IKZF2: variants seen among roughly 807,000 people sequenced by gnomAD.
IKZF2 encodes zinc finger protein Helios.
Under a neutral mutation model 49.2 loss-of-function variants are expected in IKZF2, and 15 were observed. That is an observed-to-expected ratio of 0.30 (90% CI 0.20 to 0.47). The LOEUF (loss-of-function observed/expected upper bound fraction) is 0.47, where lower values mean the gene tolerates loss of function less well. Among genes scored for constraint, IKZF2 ranks in the 20% least tolerant of loss-of-function variants. The pLI, the probability that IKZF2 is intolerant of heterozygous loss-of-function variation, is 1.00. For synonymous variants in IKZF2, 227 were observed against 221.4 expected (o/e 1.03, Z -0.23); for missense variants, 567 against 664.6 (o/e 0.85, Z 1.61).
At chr2:213,101,746 C>T (rs1424847084) in intron 4 of IKZF2, among the ~76,000 whole-genome samples, 1 of 152,142 alleles carries the variant, frequency 6.6e-6, no homozygotes, top group African/African-American at 2.4e-5. Flanking sequence ...TTCCATCATA[C>T]ATGAAATATA....
At chr2:213,029,575 T>C (rs1225924307) in intron 6 of IKZF2, among the ~76,000 whole-genome samples, 1 of 152,042 alleles carries the variant, frequency 6.6e-6, no homozygotes, top group East Asian at 1.9e-4. Context: ...ATTTTATTGA[T>C]CTTCTCATAT....
intron 4 of IKZF2, among the ~76,000 whole-genome samples, chr2:213,089,195 T>C (rs997421380): frequency 1.3e-5 from 2 of 152,186 alleles, no homozygotes; most frequent in South Asian, 2.1e-4. Context: ...AGTCACTCCT[T>C]AGACCTCTTT....
chr2:213,099,779 C>A (rs745536917), intron 4 of IKZF2, among the ~76,000 whole-genome samples: 57 of 152,202 alleles, frequency 3.7e-4, no homozygotes, highest in South Asian at 6.2e-4. Flanking sequence ...CTCTCTGACC[C>A]TTAGCTCGGC....
chr2:213,077,997 G>A (rs1373711695), intron 4 of IKZF2, among the ~76,000 whole-genome samples: 1 of 152,000 alleles, frequency 6.6e-6, no homozygotes, highest in African/African-American at 2.4e-5. Context: ...ACACAAGTGG[G>A]TTAGAGTAGA....
At chr2:213,039,798 T>C (rs1487725316) in intron 6 of IKZF2, among the ~76,000 whole-genome samples, 1 of 152,158 alleles carries the variant, frequency 6.6e-6, no homozygotes, top group African/African-American at 2.4e-5. Context: ...TAGAATTTAA[T>C]AGCATTATTG....
rs754943780 is a variant in IKZF2 at position 213,013,774 on chromosome 2, G to T, written c.856+17C>A. The stretch of plus-strand genomic sequence containing the variant: ...AACATCACCTTGCAAAGAAACAAAA[G>T]CATTTGTAATGCTTACCCACAAACT... On this transcript the variant is annotated intron_variant, in intron 8 of 8. Coordinates refer to ENST00000434687, the MANE Select transcript of IKZF2 (RefSeq NM_001387220.1). 5 of 1,595,930 alleles carry T rather than the reference G, an allele frequency of 3.1e-6. No individual in the cohort carries two copies. In the African/African-American group the frequency reaches 4.1e-5, roughly 13 times the overall value.
chr2:213,124,601 A>T (rs188402228), intron 4 of IKZF2, among the ~76,000 whole-genome samples: 1 of 152,372 alleles, frequency 6.6e-6, no homozygotes, highest in Admixed American at 6.5e-5. Flanking sequence ...TATGTCATGC[A>T]ATGAACTTTC....
intron 7 of IKZF2, among the ~76,000 whole-genome samples, chr2:213,019,237 A>T (rs4673715): frequency 1.3e-5 from 2 of 152,004 alleles, no homozygotes; most frequent in African/African-American, 2.4e-5. Context: ...TTTTAAAAAC[A>T]AGTAATAGTT....
At chr2:213,044,611 G>A (rs1699979906) in intron 6 of IKZF2, among the ~76,000 whole-genome samples, 1 of 152,240 alleles carries the variant, frequency 6.6e-6, no homozygotes, top group Admixed American at 6.5e-5. Context: ...ACTTGCTAAA[G>A]CAGCAATGGT....
At chr2:213,042,482 T>C (rs1302087952) in intron 6 of IKZF2, among the ~76,000 whole-genome samples, 1 of 152,160 alleles carries the variant, frequency 6.6e-6, no homozygotes, top group East Asian at 1.9e-4. Context: ...TCACTAAGAG[T>C]CAGGTATGAC....
chr2:213,065,976 G>T (rs767094392), intron 4 of IKZF2, among the ~76,000 whole-genome samples: 8 of 152,088 alleles, frequency 5.3e-5, no homozygotes, highest in Non-Finnish European at 1.0e-4. Flanking sequence ...GCCTGTTTTG[G>T]AAGAAGACCA....
At chr2:213,033,416 C>A (rs187221323) in intron 6 of IKZF2, among the ~76,000 whole-genome samples, 1 of 152,208 alleles carries the variant, frequency 6.6e-6, no homozygotes, top group Non-Finnish European at 1.5e-5. Context: ...ACTTTGCCCA[C>A]ATCCATCATA....
At chr2:213,146,763 G>GGGGGT (rs1553604936) in intron 4 of IKZF2, among the ~76,000 whole-genome samples, 3 of 133,278 alleles carry the variant, frequency 2.3e-5, no homozygotes, top group Non-Finnish European at 5.0e-5. Flanking sequence ...AATCTTCGGG[G>GGGGGT]GGGGGGAAGG....
intron 4 of IKZF2, among the ~76,000 whole-genome samples, chr2:213,132,239 T>G: frequency 6.6e-6 from 1 of 151,576 alleles, no homozygotes; most frequent in Non-Finnish European, 1.5e-5. Context: ...CCTCAAGGAG[T>G]TTCCAGTCAC....
intron 6 of IKZF2, among the ~76,000 whole-genome samples, chr2:213,030,877 G>A (rs946295099): frequency 1.3e-5 from 2 of 150,624 alleles, no homozygotes; most frequent in African/African-American, 4.9e-5. Flanking sequence ...GAGGGCAGGA[G>A]TGCACTGGTG....
intron 6 of IKZF2, among the ~76,000 whole-genome samples, chr2:213,032,898 A>G (rs1023133947): frequency 6.6e-6 from 1 of 152,236 alleles, no homozygotes; most frequent in African/African-American, 2.4e-5. Context: ...AGTTTGCCAC[A>G]TCAGTCAACA....
intron 4 of IKZF2, among the ~76,000 whole-genome samples, chr2:213,121,048 A>C (rs2060039931): frequency 6.6e-6 from 1 of 152,174 alleles, no homozygotes; most frequent in South Asian, 2.1e-4. Flanking sequence ...TAATTTTTTT[A>C]TTTATGTATG....
At position 213,005,368 on chromosome 2, in the gene IKZF2, T is replaced by TA. The variant is rs1695264601; in HGVS notation, c.*1991dup. On this transcript the variant is annotated 3_prime_UTR_variant, in exon 9 of 9. Coordinates refer to ENST00000434687, the MANE Select transcript of IKZF2 (RefSeq NM_001387220.1). The stretch of plus-strand genomic sequence containing the variant: ...GTTTGGACATTTTCCCAAAAATAAT[T>TA]ATGACAGGGACTAGTAGAAGAGAGC... 1 of 151,942 alleles carries TA rather than the reference T, an allele frequency of 6.6e-6. No individual in the cohort carries two copies. Among genetic ancestry groups the TA allele is most frequent in the Non-Finnish European group, 1.5e-5 (1 of 67,950 alleles). 9.4% of individuals were successfully genotyped at this position (151,942 alleles called of 1,614,324 possible).
intron 4 of IKZF2, among the ~76,000 whole-genome samples, chr2:213,092,490 C>G (rs1249172693): frequency 2.6e-5 from 4 of 152,066 alleles, no homozygotes; most frequent in Non-Finnish European, 5.9e-5. Context: ...AGTTGGTAAA[C>G]CATAATTAAT....
Sources: gnomAD v4.1 joint callset for allele counts (sites outside exome capture counted in the v4.1 genomes callset) on GRCh38, gnomAD v4.1.1 for gene constraint, MANE v1.5 for transcripts, NCBI Gene and HGNC (gene_info 2026-07-23, HGNC 2026-07-21) for gene names.